KCTD3: variants seen among roughly 807,000 people sequenced by gnomAD.
The protein encoded by KCTD3 is BTB/POZ domain-containing protein KCTD3.
Under a neutral mutation model 85.8 loss-of-function variants are expected in KCTD3, and 41 were observed. The ratio of observed to expected loss-of-function variants is 0.48; its 90% CI spans 0.37 to 0.62. The LOEUF (loss-of-function observed/expected upper bound fraction) is 0.62, where lower values mean the gene tolerates loss of function less well. Ranked by LOEUF, KCTD3 falls within the 20% of genes least tolerant of loss-of-function variation. The probability of loss-of-function intolerance (pLI) is 0.00; values close to 1 mark genes in which losing one functional copy is unlikely to be tolerated. For synonymous variants in KCTD3, 338 were observed against 345.4 expected (o/e 0.98, Z 0.24); for missense variants, 724 against 989.9 (o/e 0.73, Z 3.60).
intron 1 of KCTD3, among the ~76,000 whole-genome samples, chr1:215,570,523 T>C (rs1659319916): frequency 6.6e-6 from 1 of 152,200 alleles, no homozygotes; most frequent in Non-Finnish European, 1.5e-5. Context: ...GAGTCAGGTA[T>C]ATGTTTCCAA....
chr1:215,579,601 C>T (rs1659731065), intron 7 of KCTD3, among the ~76,000 whole-genome samples: 1 of 151,970 alleles, frequency 6.6e-6, no homozygotes, highest in African/African-American at 2.4e-5. Context: ...TGGGTTTACG[C>T]CATTCTCCTG....
chr1:215,620,353 T>G lies in KCTD3; in HGVS notation c.2183T>G (p.Val728Gly), dbSNP rs757800901. 6.2e-7 allele frequency: 1 copy of G among 1,613,458 alleles called. No individual in the cohort carries two copies. Among genetic ancestry groups the G allele is most frequent in the South Asian group, 1.1e-5 (1 of 90,954 alleles). ...AGAGAATTGGATAGTGGATTGGAAGTGCATAAAATAGCTGAAGGTTTTTCA... is the reference window on the plus strand; with the variant it reads ...AGAGAATTGGATAGTGGATTGGAAGGGCATAAAATAGCTGAAGGTTTTTCA... ...SLRELDSGLE[V>G]HKIAEGFSES... Residue 728 changes from valine to glycine, a missense_variant, in exon 18 of 18, where the codon GTG becomes GGG. Around this residue, in one of 6 missense-constraint regions of KCTD3, gnomAD observed 222 missense variants for 217.7 expected, o/e 1.02. Coordinates refer to ENST00000259154, the MANE Select transcript of KCTD3 (RefSeq NM_016121.5).
At position 215,579,023 on chromosome 1, in the gene KCTD3, A is replaced by C; in HGVS notation, c.421A>C (p.Asn141His). 1 of 1,563,414 alleles carries C rather than the reference A, an allele frequency of 6.4e-7. No homozygotes were observed. Among genetic ancestry groups the C allele is most frequent in the East Asian group, 2.4e-5 (1 of 41,952 alleles). Residue 141 changes from asparagine (N) to histidine (H), a missense_variant, in exon 7 of 18, where the codon AAC becomes CAC. Physicochemically the swap from Asn to His is moderately conservative, Grantham distance 68. This residue lies in a region of KCTD3 where 106 missense variants were observed against 98.2 expected (regional missense o/e 1.08). Transcript: ENST00000259154. ...PPGIPSRKIN[N>H]TVRSADSRNG... Reference sequence around the variant, plus strand: ...AGGTATTCCTAGTCGTAAAATAAACAACACAGTCAGATCTGCTGATTCTAG... The same window carrying C: ...AGGTATTCCTAGTCGTAAAATAAACCACACAGTCAGATCTGCTGATTCTAG...
At chr1:215,616,198 T>G (rs1655442529) in intron 15 of KCTD3, among the ~76,000 whole-genome samples, 1 of 152,230 alleles carries the variant, frequency 6.6e-6, no homozygotes, top group African/African-American at 2.4e-5. Context: ...AGTTTTCATA[T>G]GCATACAAAT....
At chr1:215,575,801 T>C in intron 3 of KCTD3, 100 bp from the exon 4 acceptor site, 1 of 638,998 alleles carries the variant, frequency 1.6e-6, no homozygotes, top group Non-Finnish European at 2.7e-6. Context: ...GGAAATGTAG[T>C]ATTTAAGTAA....
chr1:215,592,378 T>C (rs545209699), intron 9 of KCTD3, among the ~76,000 whole-genome samples: 1 of 152,290 alleles, frequency 6.6e-6, no homozygotes, highest in African/African-American at 2.4e-5. Flanking sequence ...TTTTTTTTGT[T>C]GTTACTGCTG....
In KCTD3 at chr1:215,620,871, C is replaced by A. The variant is rs1206205222; in HGVS notation, c.*253C>A. On this transcript the variant is annotated 3_prime_UTR_variant, in exon 18 of 18. Coordinates refer to ENST00000259154, the MANE Select transcript of KCTD3 (RefSeq NM_016121.5). Reference sequence around the variant, plus strand: ...AGCAGGAGTCCATTTTAACACTTACCGACTTTTTTTGGTTTGGAAACATAT... The same window carrying A: ...AGCAGGAGTCCATTTTAACACTTACAGACTTTTTTTGGTTTGGAAACATAT... 8 of 431,998 alleles carry A rather than the reference C, an allele frequency of 1.9e-5. No homozygotes were observed. Among genetic ancestry groups the A allele is most frequent in the Non-Finnish European group, 3.2e-5 (8 of 246,720 alleles). 26.8% of individuals were successfully genotyped at this position (431,998 alleles called of 1,614,324 possible). A position where few individuals can be genotyped will look rare whatever the true frequency, so the allele number is the denominator to read the frequency against.
rs1352933579 is a variant in KCTD3, at chr1:215,585,219, GTATT to G, written c.627-1273_627-1270del. On this transcript the variant is annotated intron_variant, in intron 8 of 17. Coordinates refer to ENST00000259154, the MANE Select transcript of KCTD3 (RefSeq NM_016121.5). ...GCAAATTTTAGTGTTTATTAGGTAA[GTATT>G]TAAGTATTTTCATTTGTTTATCTTA... Among the ~76,000 whole-genome samples, 4 of 152,306 alleles carry G rather than the reference GTATT, an allele frequency of 2.6e-5. No individual in the cohort carries two copies. In the East Asian group the frequency reaches 5.8e-4, roughly 22 times the overall value.
intron 9 of KCTD3, among the ~76,000 whole-genome samples, chr1:215,592,436 C>T (rs957375609): frequency 1.6e-4 from 24 of 151,978 alleles, no homozygotes; most frequent in African/African-American, 5.3e-4. Flanking sequence ...TCGTGATCGA[C>T]AGCTTAAGTC....
intron 14 of KCTD3, 69 bp from the exon 15 acceptor site, chr1:215,611,756 G>T: frequency 1.0e-6 from 1 of 997,302 alleles, no homozygotes; most frequent in Non-Finnish European, 1.5e-6. Context: ...TAATATTAAT[G>T]TTCCTTTTGT....
Position 215,567,567 on chromosome 1 carries a change from C to T in KCTD3, c.-119C>T, listed in dbSNP as rs985527565. 15 of 471,106 alleles carry T rather than the reference C, an allele frequency of 3.2e-5. No homozygotes were observed. The South Asian group carries it at 1.4e-3, about 44-fold the overall frequency. The allele number at this position is 471,106 out of a possible 1,614,324, so 29.2% of individuals were successfully genotyped here. A position where few individuals can be genotyped will look rare whatever the true frequency, so the allele number is the denominator to read the frequency against. On this transcript the variant is annotated 5_prime_UTR_variant, in exon 1 of 18. Transcript: ENST00000259154. The stretch of plus-strand genomic sequence containing the variant: ...GGGGAAGCCCCGTGCACCCCCCGCC[C>T]TCCGGCCGCCGCCGCCCCGCTGGCC...
intron 1 of KCTD3, among the ~76,000 whole-genome samples, chr1:215,570,318 C>T (rs1435017041): frequency 4.6e-5 from 7 of 150,922 alleles, no homozygotes. Flanking sequence ...TGGTTTAATA[C>T]TTTGTGGGTG....
At chr1:215,617,721 G>A (rs1030584025) in intron 15 of KCTD3, among the ~76,000 whole-genome samples, 2 of 150,346 alleles carry the variant, frequency 1.3e-5, no homozygotes, top group Admixed American at 1.3e-4. Context: ...GGAACTGGGG[G>A]CTGCAGTGGA....
At chr1:215,618,065 T>C in intron 15 of KCTD3, 1 of 458,554 alleles carries the variant, frequency 2.2e-6, no homozygotes, top group Non-Finnish European at 4.5e-6. Context: ...ACTAATAAAA[T>C]GTATATGCTT....
At chr1:215,582,347 A>G (rs1163754413) in intron 8 of KCTD3, among the ~76,000 whole-genome samples, 1 of 152,150 alleles carries the variant, frequency 6.6e-6, no homozygotes, top group African/African-American at 2.4e-5. Flanking sequence ...TATGTTCATA[A>G]TAAGTTTCAA....
At chr1:215,579,303 T>A (rs974841468) in intron 7 of KCTD3, among the ~76,000 whole-genome samples, 166 bp downstream of exon 7, 1 of 152,218 alleles carries the variant, frequency 6.6e-6, no homozygotes, top group African/African-American at 2.4e-5. Context: ...TTATTTAAAA[T>A]GTTGTGTAAT....
intron 13 of KCTD3, among the ~76,000 whole-genome samples, chr1:215,607,478 C>G (rs1259045356): frequency 6.6e-6 from 1 of 151,854 alleles, no homozygotes; most frequent in Non-Finnish European, 1.5e-5. Context: ...TAAATACAGA[C>G]TTTATATAAA....
At chr1:215,604,033 A>G (rs1301491836) in intron 12 of KCTD3, 99 bp from the exon 13 acceptor site, 13 of 887,490 alleles carry the variant, frequency 1.5e-5, no homozygotes, top group Middle Eastern at 5.6e-4. Context: ...TAAACAGTGA[A>G]TCCAGCTCTG....
At chr1:215,597,774 T>C (rs1264847255) in intron 10 of KCTD3, among the ~76,000 whole-genome samples, 2 of 152,088 alleles carry the variant, frequency 1.3e-5, no homozygotes, top group Non-Finnish European at 2.9e-5. Flanking sequence ...GTAGCACTGA[T>C]GTTAGAAGCA....
Sources: allele counts gnomAD v4.1 joint callset (sites outside exome capture counted in the v4.1 genomes callset), GRCh38; gene constraint gnomAD v4.1.1; regional missense constraint gnomAD v4.1.1; transcripts MANE v1.5; gene names NCBI Gene and HGNC (gene_info 2026-07-23, HGNC 2026-07-21).